ERC2: variants seen among roughly 807,000 people sequenced by gnomAD.
The protein encoded by ERC2 is ELKS/RAB6-interacting/CAST family member 2, also known as ERC protein 2.
ERC2 carries 42 observed loss-of-function variants against 114.8 expected under a neutral mutation model. That is an observed-to-expected ratio of 0.37 (90% CI 0.29 to 0.47). The LOEUF (loss-of-function observed/expected upper bound fraction) is 0.47, where lower values mean the gene tolerates loss of function less well. Among genes scored for constraint, ERC2 ranks in the 20% least tolerant of loss-of-function variants. The probability of loss-of-function intolerance (pLI) is 0.99; values close to 1 mark genes in which losing one functional copy is unlikely to be tolerated. For synonymous variants in ERC2, 454 were observed against 425.5 expected (o/e 1.07, Z -0.82); for missense variants, 939 against 1,150.7 (o/e 0.82, Z 2.66).
At chr3:55,996,219 T>G (rs1411901150) in intron 10 of ERC2, among the ~76,000 whole-genome samples, 1 of 152,234 alleles carries the variant, frequency 6.6e-6, no homozygotes, top group Non-Finnish European at 1.5e-5. Flanking sequence ...GCCCTTTCTA[T>G]ACTTCTAAGG....
At position 55,629,884 on chromosome 3, in the gene ERC2, C is replaced by A. The variant is rs189029178; in HGVS notation, c.*39+53910G>T. ...GCCCCACATGATGAGAAGGAGCCAG[C>A]CTTCTAACCATAGAGCGGGTGGGCT... is the stretch of plus-strand genomic sequence containing the variant. On this transcript the variant is annotated intron_variant, in intron 17 of 17. Coordinates refer to ENST00000288221, the MANE Select transcript of ERC2 (RefSeq NM_015576.3). Among the ~76,000 whole-genome samples, 220 of 152,326 alleles carry A rather than the reference C, an allele frequency of 1.4e-3. 1 individual carries two copies. The highest frequency in any genetic ancestry group is 5.1e-3 in the African/African-American group (210 of 41,582).
chr3:56,245,594 G>T (rs1337510294), intron 3 of ERC2, among the ~76,000 whole-genome samples: 1 of 150,542 alleles, frequency 6.6e-6, no homozygotes, highest in Non-Finnish European at 1.5e-5. Flanking sequence ...ACAGAGTCTT[G>T]CTCTGTCACC....
chr3:56,127,829 A>G (rs969860229), intron 6 of ERC2, among the ~76,000 whole-genome samples: 2 of 152,168 alleles, frequency 1.3e-5, no homozygotes, highest in Non-Finnish European at 2.9e-5. Flanking sequence ...TTTGTAGCCA[A>G]CTGATTTTCA....
intron 3 of ERC2, among the ~76,000 whole-genome samples, chr3:56,217,362 C>T (rs1446850481): frequency 6.6e-6 from 1 of 152,078 alleles, no homozygotes; most frequent in East Asian, 1.9e-4. Flanking sequence ...AAACAGAGAG[C>T]CAAATCATGA....
chr3:55,869,888 G>A (rs9818424), intron 14 of ERC2, among the ~76,000 whole-genome samples: 26,677 of 151,994 alleles, frequency 0.18, 2,744 homozygotes, highest in African/African-American at 0.26. Flanking sequence ...AGGGGGAACC[G>A]ACACTTTCAC....
At chr3:56,106,486 G>A (rs1241446263) in intron 6 of ERC2, among the ~76,000 whole-genome samples, 1 of 152,136 alleles carries the variant, frequency 6.6e-6, no homozygotes, top group Non-Finnish European at 1.5e-5. Context: ...GAAGGGGGAG[G>A]GGCCTTTAAC....
intron 3 of ERC2, among the ~76,000 whole-genome samples, chr3:56,245,373 G>C (rs75123333): frequency 0.03 from 4,534 of 151,910 alleles, 230 homozygotes; most frequent in African/African-American, 0.1. Context: ...AATACAGAAG[G>C]GGCCCAGTAT....
At chr3:55,520,337 G>A (rs1197770101) in intron 17 of ERC2, among the ~76,000 whole-genome samples, 3 of 151,106 alleles carry the variant, frequency 2.0e-5, no homozygotes, top group East Asian at 2.0e-4. Context: ...TCAGGAGGGT[G>A]AGGCATGAGA....
rs138532809 is a variant in ERC2, at chr3:56,377,038, G to A, written c.657+57313C>T. ...ATCCTGATGCACCTCCCCCCATCACGATCCCTTAACATGCTTAACTCAATG... is the reference window on the plus strand; with the variant it reads ...ATCCTGATGCACCTCCCCCCATCACAATCCCTTAACATGCTTAACTCAATG... On this transcript the variant is annotated intron_variant, in intron 2 of 17. Transcript: ENST00000288221. 7.8e-3 allele frequency among the ~76,000 whole-genome samples: 1,187 copies of A among 152,084 alleles called. 16 individuals are homozygous for A. The highest frequency in any genetic ancestry group is 0.027 in the African/African-American group (1,126 of 41,460).
intron 3 of ERC2, among the ~76,000 whole-genome samples, chr3:56,259,363 A>G (rs2052754206): frequency 6.6e-6 from 1 of 152,202 alleles, no homozygotes; most frequent in African/African-American, 2.4e-5. Context: ...ATGTACGTTC[A>G]CTGCAATTCT....
chr3:55,562,151 G>A (rs1301486882), intron 17 of ERC2, among the ~76,000 whole-genome samples: 1 of 152,102 alleles, frequency 6.6e-6, no homozygotes, highest in Non-Finnish European at 1.5e-5. Context: ...TTCTCCCGCT[G>A]CCTTCTTTTT....
At chr3:56,108,005 G>A (rs1457990782) in intron 6 of ERC2, among the ~76,000 whole-genome samples, 3 of 152,042 alleles carry the variant, frequency 2.0e-5, no homozygotes, top group Non-Finnish European at 4.4e-5. Flanking sequence ...GGATACAAAA[G>A]TCCTAAATAA....
chr3:56,171,986 A>AAAAAAAAAAAAC (rs2082701741), intron 4 of ERC2, among the ~76,000 whole-genome samples: 1 of 141,846 alleles, frequency 7.0e-6, no homozygotes, highest in Admixed American at 7.0e-5. Context: ...AACAAAAAAC[A>AAAAAAAAAAAAC]AAAAAAAAAA....
chr3:55,968,933 C>T (rs1167705500), intron 12 of ERC2, among the ~76,000 whole-genome samples: 2 of 152,022 alleles, frequency 1.3e-5, no homozygotes, highest in African/African-American at 4.8e-5. Flanking sequence ...ATTCCCCTTG[C>T]TACATAAAGG....
chr3:55,847,504 T>C lies in ERC2; in HGVS notation c.2564+40885A>G, dbSNP rs1383586588. On this transcript the variant is annotated intron_variant, in intron 14 of 17. Transcript: ENST00000288221. ...GTTGAATAAATCACGATGCCACAGA[T>C]AAAAGTAGAGTGCTCCACAGCTATT... Among the ~76,000 whole-genome samples the C allele has an allele frequency of 2.0e-5, 3 of 152,122 alleles. No individual in the cohort carries two copies. The South Asian group carries it at 6.2e-4, about 32-fold the overall frequency.
chr3:56,090,918 A>G (rs2077754264), intron 6 of ERC2, among the ~76,000 whole-genome samples: 1 of 152,106 alleles, frequency 6.6e-6, no homozygotes, highest in Non-Finnish European at 1.5e-5. Flanking sequence ...ATTTTTCACT[A>G]AAACAAATCT....
chr3:55,634,363 G>A (rs1486733578), intron 17 of ERC2, among the ~76,000 whole-genome samples: 2 of 152,060 alleles, frequency 1.3e-5, no homozygotes, highest in Non-Finnish European at 2.9e-5. Flanking sequence ...TATTTATTGG[G>A]ACCAGCCTGC....
chr3:55,679,586 C>T (rs1293038420), intron 17 of ERC2, among the ~76,000 whole-genome samples: 3 of 152,024 alleles, frequency 2.0e-5, no homozygotes, highest in East Asian at 1.9e-4. Flanking sequence ...AGAACTTAAC[C>T]GTTTGGTGAA....
At chr3:56,099,536 C>T (rs1190552758) in intron 6 of ERC2, among the ~76,000 whole-genome samples, 1 of 152,136 alleles carries the variant, frequency 6.6e-6, no homozygotes, top group Non-Finnish European at 1.5e-5. Context: ...ATGTTGAAAG[C>T]ATCCTCAGAG....
Sources: gnomAD v4.1 joint callset for allele counts (sites outside exome capture counted in the v4.1 genomes callset) on GRCh38, gnomAD v4.1.1 for gene constraint, MANE v1.5 for transcripts, NCBI Gene and HGNC (gene_info 2026-07-23, HGNC 2026-07-21) for gene names.